RBFOX1: variants seen among roughly 807,000 people sequenced by gnomAD.
RBFOX1 encodes the protein RNA binding fox-1 homolog 1, also known as RNA binding protein fox-1 homolog 1.
Under a neutral mutation model 57.7 loss-of-function variants are expected in RBFOX1, and 8 were observed. That is an observed-to-expected ratio of 0.14 (90% CI 0.08 to 0.25). The LOEUF is 0.25. Among genes scored for constraint, RBFOX1 ranks in the 10% least tolerant of loss-of-function variants. The pLI, the probability that RBFOX1 is intolerant of heterozygous loss-of-function variation, is 1.00. For synonymous variants in RBFOX1, 326 were observed against 222.4 expected (o/e 1.47, Z -4.15); for missense variants, 611 against 548.5 (o/e 1.11, Z -1.14).
At chr16:5,992,254 G>C (rs894071434) in intron 4 of RBFOX1, among the ~76,000 whole-genome samples, 2 of 152,172 alleles carry the variant, frequency 1.3e-5, no homozygotes, top group East Asian at 3.8e-4. Context: ...TTAGAAGATT[G>C]TTTATGTCAG....
intron 3 of RBFOX1, among the ~76,000 whole-genome samples, chr16:6,746,179 T>G (rs1448784889): frequency 6.6e-6 from 1 of 152,126 alleles, no homozygotes; most frequent in African/African-American, 2.4e-5. Flanking sequence ...AGACTTATCT[T>G]AGTCTCCCCT....
chr16:6,599,581 C>T (rs2097823587), intron 2 of RBFOX1, among the ~76,000 whole-genome samples: 1 of 152,130 alleles, frequency 6.6e-6, no homozygotes, highest in African/African-American at 2.4e-5. Context: ...TTCTTACTTG[C>T]AAAAACTTGA....
chr16:7,126,078 A>G (rs1032712824), intron 4 of RBFOX1, among the ~76,000 whole-genome samples: 2 of 152,070 alleles, frequency 1.3e-5, no homozygotes, highest in Non-Finnish European at 2.9e-5. Context: ...GCCGGACTCC[A>G]TCTCCCCCCA....
intron 3 of RBFOX1, among the ~76,000 whole-genome samples, chr16:6,898,196 C>G (rs943750580): frequency 5.9e-5 from 9 of 152,106 alleles, no homozygotes; most frequent in African/African-American, 2.2e-4. Flanking sequence ...TGCTTACAGT[C>G]CATTGTGGAG....
chr16:5,871,900 A>G (rs528001893), intron 4 of RBFOX1, among the ~76,000 whole-genome samples: 1 of 152,300 alleles, frequency 6.6e-6, no homozygotes, highest in Non-Finnish European at 1.5e-5. Context: ...TTGATATTAC[A>G]GCTCTGCTAT....
At chr16:6,487,907 C>T (rs2095542040) in intron 2 of RBFOX1, among the ~76,000 whole-genome samples, 2 of 151,592 alleles carry the variant, frequency 1.3e-5, no homozygotes, top group African/African-American at 2.4e-5. Flanking sequence ...GTAGTCAAAA[C>T]CAGCCGCTTT....
chr16:6,454,415 G>A (rs2094708641), intron 2 of RBFOX1, among the ~76,000 whole-genome samples: 2 of 152,026 alleles, frequency 1.3e-5, no homozygotes, highest in Admixed American at 1.3e-4. Context: ...AAATTAGCTG[G>A]GTGTGGTGGT....
chr16:6,780,566 A>ATATT (rs2080833717), intron 3 of RBFOX1, among the ~76,000 whole-genome samples: 2 of 132,062 alleles, frequency 1.5e-5, no homozygotes, highest in East Asian at 2.5e-4. Context: ...ACATATTTAT[A>ATATT]TATATTTATA....
chr16:6,589,785 G>A (rs2097684976), intron 2 of RBFOX1, among the ~76,000 whole-genome samples: 2 of 152,194 alleles, frequency 1.3e-5, no homozygotes, highest in Non-Finnish European at 2.9e-5. Flanking sequence ...TATTTCCAAA[G>A]TTAGTTCAGC....
At chr16:5,602,181 G>C (rs1255940399), downstream of RBFOX1, among the ~76,000 whole-genome samples, 1 of 152,172 alleles carries the variant, frequency 6.6e-6, no homozygotes, top group Non-Finnish European at 1.5e-5. Context: ...TCATTTTGAC[G>C]ACCTCTACTG....
intron 4 of RBFOX1, among the ~76,000 whole-genome samples, chr16:7,373,668 C>G (rs2097621082): frequency 6.6e-6 from 1 of 151,790 alleles, no homozygotes; most frequent in Non-Finnish European, 1.5e-5. Context: ...TGGTGTCTGA[C>G]CTGTGTTGGC....
At chr16:7,709,688 G>C in intron 15 of RBFOX1, 1 of 1,325,442 alleles carries the variant, frequency 7.5e-7, no homozygotes, top group Non-Finnish European at 9.7e-7. Context: ...GAAAGTAGAA[G>C]GAATCAGCTG....
At chr16:6,551,860 G>C (rs140727473) in intron 2 of RBFOX1, among the ~76,000 whole-genome samples, 1 of 152,124 alleles carries the variant, frequency 6.6e-6, no homozygotes, top group Admixed American at 6.5e-5. Context: ...CTCTCAGTGC[G>C]TTGGTCATTT....
intron 3 of RBFOX1, among the ~76,000 whole-genome samples, chr16:6,762,813 T>C (rs1603616781): frequency 6.6e-6 from 1 of 151,944 alleles, no homozygotes; most frequent in Non-Finnish European, 1.5e-5. Flanking sequence ...AATTGCAAAA[T>C]AAAAACCAGG....
intron 1 of RBFOX1, among the ~76,000 whole-genome samples, chr16:6,041,322 C>G (rs2095433973): frequency 6.6e-6 from 1 of 152,084 alleles, no homozygotes; most frequent in Admixed American, 6.6e-5. Context: ...TTGTGCTTCA[C>G]TACTTAAAAA....
chr16:6,739,239 G>GA (rs113887177), intron 3 of RBFOX1, among the ~76,000 whole-genome samples: 20,929 of 141,282 alleles, frequency 0.15, 1,567 homozygotes, highest in South Asian at 0.26. Context: ...AGGGATGATA[G>GA]AAAAAAAAAA....
chr16:5,549,630 G>A (rs571883839), intron 2 of RBFOX1, among the ~76,000 whole-genome samples: 1 of 152,264 alleles, frequency 6.6e-6, no homozygotes, highest in South Asian at 2.1e-4. Context: ...AAATTGGGTT[G>A]GGGCACAGCA....
intron 3 of RBFOX1, among the ~76,000 whole-genome samples, chr16:7,022,025 C>CTCCCTCCCCTA (rs1343505331): frequency 2.2e-4 from 1 of 4,558 alleles, no homozygotes; most frequent in African/African-American, 1.9e-3. Context: ...CCTTCCCCCT[C>CTCCCTCCCCTA]CCCTTCCCCT....
intron 1 of RBFOX1, among the ~76,000 whole-genome samples, chr16:5,246,324 T>G (rs1278210344): frequency 1.3e-5 from 2 of 152,210 alleles, no homozygotes; most frequent in Non-Finnish European, 2.9e-5. Flanking sequence ...TTTTTTGGAG[T>G]TGTTGAATTT....
Sources: allele counts gnomAD v4.1 joint callset (sites outside exome capture counted in the v4.1 genomes callset), GRCh38; gene constraint gnomAD v4.1.1; transcripts MANE v1.5; gene names NCBI Gene and HGNC (gene_info 2026-07-23, HGNC 2026-07-21).